Variants in CRMP1 observed in about 807,000 individuals in gnomAD.
The protein encoded by CRMP1 is collapsin response mediator protein 1.
A neutral mutation model predicts 68.3 loss-of-function variants in CRMP1; 19 were observed. The observed-to-expected ratio is 0.28, with a 90% confidence interval of 0.19 to 0.41. The LOEUF is 0.41. Ranked by LOEUF, CRMP1 falls within the 10% of genes least tolerant of loss-of-function variation. The pLI, the probability that CRMP1 is intolerant of heterozygous loss-of-function variation, is 1.00. For missense variants in CRMP1, 791 were observed against 967.4 expected, an observed-to-expected ratio of 0.82 and a Z score of 2.42; for synonymous variants, 439 against 399.6, an observed-to-expected ratio of 1.10 and a Z score of -1.18.
Position 5,890,978 on chromosome 4 carries a change from C to A in CRMP1, c.381+1611G>T, listed in dbSNP as rs370843076. 2.0e-5 allele frequency among the ~76,000 whole-genome samples: 3 copies of A among 152,080 alleles called. No individual in the cohort carries two copies. The highest frequency in any genetic ancestry group is 1.9e-4 in the East Asian group (1 of 5,158). On this transcript the variant is annotated intron_variant, in intron 1 of 13. Transcript: ENST00000324989. This position sits in a 1 kb window ranked among gnomAD's most constrained non-coding sequence, Gnocchi z 5.5. Reference sequence around the variant, plus strand: ...GAGCAAAGCGCCTTGGCTGGAAACCCGGATTCCCTGGTGCTGGTCCCGCTT... The same window carrying A: ...GAGCAAAGCGCCTTGGCTGGAAACCAGGATTCCCTGGTGCTGGTCCCGCTT...
Position 5,851,452 on chromosome 4 carries a change from C to A in CRMP1, c.838G>T (p.Val280Phe). The A allele has an allele frequency of 6.2e-7, 1 of 1,614,116 alleles. No homozygotes were observed. Among genetic ancestry groups the A allele is most frequent in the South Asian group, 1.1e-5 (1 of 91,078 alleles). ...TAGACATCCTTATAGGCCATGTAGA[C>A]TTGGAAGGAATTGACGCCTGTTTCA... Reference protein sequence around the residue: ...VQDKGVNSFQVYMAYKDVYQM... With the variant: ...VQDKGVNSFQFYMAYKDVYQM... The change falls in exon 5 of 14, where the codon GTC (valine) becomes TTC (phenylalanine). Residue 280 changes from valine (V) to phenylalanine (F), a missense_variant. Transcript: ENST00000324989.
chr4:5,844,502 G>C (rs771441185), intron 6 of CRMP1, among the ~76,000 whole-genome samples: 4 of 152,130 alleles, frequency 2.6e-5, no homozygotes, highest in Non-Finnish European at 2.9e-5. Context: ...TAAAATAATG[G>C]ACTACACACA....
intron 1 of CRMP1, among the ~76,000 whole-genome samples, chr4:5,885,155 G>A (rs953263662): frequency 3.3e-5 from 5 of 152,064 alleles, no homozygotes; most frequent in African/African-American, 1.2e-4. Flanking sequence ...CACCATCATC[G>A]TCAACATGAG....
At chr4:5,829,117 T>C (rs1720144535) in intron 11 of CRMP1, among the ~76,000 whole-genome samples, 1 of 152,204 alleles carries the variant, frequency 6.6e-6, no homozygotes, top group African/African-American at 2.4e-5. Flanking sequence ...CAAATTATTT[T>C]CCCAAGGGTT....
Position 5,853,320 on chromosome 4 carries a change from G to T in CRMP1, c.821-1851C>A, listed in dbSNP as rs1353475399. On this transcript the variant is annotated intron_variant, in intron 4 of 13. Transcript: ENST00000324989. The surrounding 1 kb of genome is among the most constrained non-coding windows in gnomAD (Gnocchi z 4.7). Reference sequence around the variant, plus strand: ...CCAAGCTACTTGGGAGGCTGAGGGGGAAGAATCACTTTAACCTGGGAGGCA... The same window carrying T: ...CCAAGCTACTTGGGAGGCTGAGGGGTAAGAATCACTTTAACCTGGGAGGCA... Among the ~76,000 whole-genome samples the T allele has an allele frequency of 1.3e-5, 2 of 152,174 alleles. No homozygotes were observed. The highest frequency in any genetic ancestry group is 2.9e-5 in the Non-Finnish European group (2 of 68,044).
chr4:5,873,653 A>C lies in CRMP1; in HGVS notation c.382-6897T>G, dbSNP rs79293926. On this transcript the variant is annotated intron_variant, in intron 1 of 13. Coordinates refer to ENST00000324989, the MANE Select transcript of CRMP1 (RefSeq NM_001014809.3). ...GGGGGAAATCCGCCCCAGTGATTCA[A>C]TCACCTCCCTCCAGACCCCACCTCC... 2.0e-3 allele frequency among the ~76,000 whole-genome samples: 310 copies of C among 152,316 alleles called. 1 individual carries two copies. The highest frequency in any genetic ancestry group is 7.0e-3 in the African/African-American group (292 of 41,576).
At chr4:5,830,031 C>T (rs1375961033) in intron 11 of CRMP1, among the ~76,000 whole-genome samples, 1 of 152,194 alleles carries the variant, frequency 6.6e-6, no homozygotes, top group African/African-American at 2.4e-5. Context: ...ATATTAAACT[C>T]CTGATCTCAG....
Position 5,891,187 on chromosome 4 carries a change from C to CAG in CRMP1, c.381+1401_381+1402insCT, listed in dbSNP as rs770318663. On this transcript the variant is annotated intron_variant, in intron 1 of 13. Coordinates refer to ENST00000324989, the MANE Select transcript of CRMP1 (RefSeq NM_001014809.3). The surrounding 1 kb of genome is among the most constrained non-coding windows in gnomAD (Gnocchi z 5.2). ...CACCACACACACATACACACACACA[C>CAG]ACACACACACACACACACACACACA... Among the ~76,000 whole-genome samples the CAG allele has an allele frequency of 0.02, 2,976 of 150,308 alleles. 60 individuals carry two copies. The highest frequency in any genetic ancestry group is 0.046 in the South Asian group (217 of 4,682).
intron 1 of CRMP1, among the ~76,000 whole-genome samples, chr4:5,875,840 T>A (rs185000864): frequency 9.7e-5 from 14 of 143,998 alleles, no homozygotes; most frequent in African/African-American, 3.8e-4. Context: ...ACTGCTTTTC[T>A]TTCTCAGCTT....
intron 1 of CRMP1, among the ~76,000 whole-genome samples, chr4:5,880,795 C>T (rs536923293): frequency 6.6e-6 from 1 of 152,318 alleles, no homozygotes; most frequent in Non-Finnish European, 1.5e-5. Context: ...CAGACAGTGC[C>T]TTGTTAAGGA....
In CRMP1 at chr4:5,859,969, G is replaced by C. The variant is rs368122994; in HGVS notation, c.655+1057C>G. ...AACTGTGGCCTATTTAATTAAAATT[G>C]CTTATTAAAATGAATCCAAGCAAAA... On this transcript the variant is annotated intron_variant, in intron 3 of 13. Transcript: ENST00000324989. The surrounding 1 kb of genome is among the most constrained non-coding windows in gnomAD (Gnocchi z 5.2). Among the ~76,000 whole-genome samples, 9 of 152,136 alleles carry C rather than the reference G, an allele frequency of 5.9e-5. No homozygotes were observed. The South Asian group carries it at 1.9e-3, about 32-fold the overall frequency.
At chr4:5,826,335 G>A (rs1719616244) in intron 12 of CRMP1, 1 of 152,950 alleles carries the variant, frequency 6.5e-6, no homozygotes, top group Admixed American at 6.5e-5. Flanking sequence ...TAGTTTGTTG[G>A]GAGATGGTTC....
chr4:5,868,811 A>C (rs781728662), intron 1 of CRMP1, among the ~76,000 whole-genome samples: 73 of 152,212 alleles, frequency 4.8e-4, no homozygotes, highest in Non-Finnish European at 8.4e-4. Flanking sequence ...GAAGCTTAAC[A>C]ACTGGGTCAA....
Position 5,866,907 on chromosome 4 carries a change from T to G in CRMP1, c.382-151A>C. On this transcript the variant is annotated intron_variant, in intron 1 of 13. Coordinates refer to ENST00000324989, the MANE Select transcript of CRMP1 (RefSeq NM_001014809.3). The surrounding 1 kb of genome is among the most constrained non-coding windows in gnomAD (Gnocchi z 5.9). ...CCAGATCCATCACCAGCTTCAATACTTCTCTATCCAATACTTCCTATTCTC... is the reference window on the plus strand; with the variant it reads ...CCAGATCCATCACCAGCTTCAATACGTCTCTATCCAATACTTCCTATTCTC... 1 of 569,246 alleles carries G rather than the reference T, an allele frequency of 1.8e-6. No homozygotes were observed. The highest frequency in any genetic ancestry group is 3.1e-6 in the Non-Finnish European group (1 of 322,734). The allele number at this position is 569,246 out of a possible 1,614,324, so 35.3% of individuals were successfully genotyped here. A position where few individuals can be genotyped will look rare whatever the true frequency, so the allele number is the denominator to read the frequency against.
intron 11 of CRMP1, 43 bp downstream of exon 11, chr4:5,835,872 G>A (rs41269565): frequency 0.021 from 28,913 of 1,382,990 alleles, 362 homozygotes; most frequent in South Asian, 0.039. Flanking sequence ...TGATTACAAC[G>A]AAGAATCACT....
In CRMP1 at chr4:5,861,093, C is replaced by T; in HGVS notation, c.588G>A (p.Gly196=). 1 of 1,614,224 alleles carries T rather than the reference C, an allele frequency of 6.2e-7. No homozygotes were observed. The highest frequency in any genetic ancestry group is 8.5e-7 in the Non-Finnish European group (1 of 1,180,048). The change falls in exon 3 of 14, where the codon GGG becomes GGA. Residue 196 remains glycine (G), a synonymous_variant. Coordinates refer to ENST00000324989, the MANE Select transcript of CRMP1 (RefSeq NM_001014809.3). The surrounding 1 kb of genome is among the most constrained non-coding windows in gnomAD (Gnocchi z 6.0). ...GGAAGAAGTCATCAGCCGCAGTCATCCCCTGGGAGGGCTTCTGCAGGTACG... is the reference window on the plus strand; with the variant it reads ...GGAAGAAGTCATCAGCCGCAGTCATTCCCTGGGAGGGCTTCTGCAGGTACG... The part of the protein sequence containing the change: ...VNTYLQKPSQ[G]MTAADDFFQG...
intron 1 of CRMP1, among the ~76,000 whole-genome samples, chr4:5,880,441 A>T (rs922322382): frequency 6.6e-6 from 1 of 152,212 alleles, no homozygotes; most frequent in African/African-American, 2.4e-5. Flanking sequence ...AATTTCCTCA[A>T]ATAGCCACCT....
rs1044745163 is a variant in CRMP1, at chr4:5,872,840, T to C, written c.382-6084A>G. Among the ~76,000 whole-genome samples, 2 of 152,238 alleles carry C rather than the reference T, an allele frequency of 1.3e-5. No individual in the cohort carries two copies. The highest frequency in any genetic ancestry group is 2.9e-5 in the Non-Finnish European group (2 of 68,040). On this transcript the variant is annotated intron_variant, in intron 1 of 13. Coordinates refer to ENST00000324989, the MANE Select transcript of CRMP1 (RefSeq NM_001014809.3). The surrounding 1 kb of genome is among the most constrained non-coding windows in gnomAD (Gnocchi z 4.6). ...TGACCTTTAGAGCAAATCATGTTCT[T>C]GTGTCAGCACCACTTAAAAGCAAAA...
At chr4:5,833,826 C>T (rs1049730768) in intron 11 of CRMP1, among the ~76,000 whole-genome samples, 13 of 152,100 alleles carry the variant, frequency 8.5e-5, no homozygotes, top group Admixed American at 1.3e-4. Flanking sequence ...GGGCGGATCA[C>T]GAGGTCAGGA....
Sources: allele counts gnomAD v4.1 joint callset (sites outside exome capture counted in the v4.1 genomes callset), GRCh38; gene constraint gnomAD v4.1.1; non-coding constraint Gnocchi (gnomAD v3.1); transcripts MANE v1.5; gene names NCBI Gene and HGNC (gene_info 2026-07-23, HGNC 2026-07-21).